LRP1B: variants seen among roughly 807,000 people sequenced by gnomAD.
LRP1B encodes the protein low-density lipoprotein receptor-related protein 1B.
In LRP1B, 217 loss-of-function variants were observed where a neutral mutation model predicts 556.6. The ratio of observed to expected loss-of-function variants is 0.39; its 90% confidence interval spans 0.35 to 0.44. The LOEUF (loss-of-function observed/expected upper bound fraction) is 0.44, where lower values mean the gene tolerates loss of function less well. Ranked by LOEUF, LRP1B falls within the 20% of genes least tolerant of loss-of-function variation. LRP1B has a pLI of 1.00. For synonymous variants in LRP1B, 2,047 were observed against 1,865.8 expected (o/e 1.10, Z -2.50); for missense variants, 5,053 against 5,620.8 (o/e 0.90, Z 3.23).
chr2:141,204,127 G>C (rs1220426073), intron 6 of LRP1B, among the ~76,000 whole-genome samples: 1 of 152,066 alleles, frequency 6.6e-6, no homozygotes, highest in Non-Finnish European at 1.5e-5. Flanking sequence ...ATTTTAATGA[G>C]GTTGGACAAA....
chr2:140,894,286 A>C (rs1433489106), intron 23 of LRP1B, among the ~76,000 whole-genome samples: 1 of 152,126 alleles, frequency 6.6e-6, no homozygotes, highest in Admixed American at 6.6e-5. Flanking sequence ...TTCCAGTTTC[A>C]GTATCCTCCT....
At chr2:141,671,227 G>T (rs1690653646) in intron 2 of LRP1B, among the ~76,000 whole-genome samples, 2 of 152,136 alleles carry the variant, frequency 1.3e-5, no homozygotes, top group African/African-American at 4.8e-5. Context: ...TGATTCCAGA[G>T]CAACTGAGAA....
intron 1 of LRP1B, among the ~76,000 whole-genome samples, chr2:141,909,524 ACATTTTTTTTTTTTTT>A (rs1179039262): frequency 1.9e-5 from 2 of 104,486 alleles, no homozygotes; most frequent in South Asian, 3.1e-4. Flanking sequence ...AAGGTCTCAG[ACATTTTTTTTTTTTTT>A]TTTTTTTTTT....
At chr2:141,276,748 C>G (rs896502275) in intron 3 of LRP1B, among the ~76,000 whole-genome samples, 3 of 151,104 alleles carry the variant, frequency 2.0e-5, no homozygotes, top group East Asian at 1.9e-4. Flanking sequence ...GCTCCGCCTC[C>G]CCGGTTCACG....
intron 2 of LRP1B, among the ~76,000 whole-genome samples, chr2:141,792,234 G>C (rs1695637508): frequency 6.6e-6 from 1 of 151,782 alleles, no homozygotes; most frequent in African/African-American, 2.4e-5. Flanking sequence ...AATAAGAAAG[G>C]ATAAACTAAG....
chr2:141,846,847 A>T (rs1259166289), intron 1 of LRP1B, among the ~76,000 whole-genome samples: 2 of 151,640 alleles, frequency 1.3e-5, no homozygotes, highest in East Asian at 3.9e-4. Flanking sequence ...TACTAGAAAA[A>T]TGTTTTTTAA....
intron 31 of LRP1B, among the ~76,000 whole-genome samples, chr2:140,828,659 G>A (rs1395494479): frequency 1.4e-5 from 1 of 72,508 alleles, no homozygotes; most frequent in African/African-American, 4.1e-5. Context: ...GCGTGGTAGC[G>A]GGCGCCTGTA....
intron 2 of LRP1B, among the ~76,000 whole-genome samples, chr2:141,513,674 A>G (rs1223671635): frequency 1.3e-5 from 2 of 152,142 alleles, no homozygotes; most frequent in Non-Finnish European, 2.9e-5. Context: ...ACTCTAGACC[A>G]TTATTTATTT....
intron 14 of LRP1B, among the ~76,000 whole-genome samples, chr2:141,012,436 T>TGG (rs752476933): frequency 2.6e-5 from 4 of 152,026 alleles, no homozygotes; most frequent in Non-Finnish European, 5.9e-5. Context: ...TATGGTAGTG[T>TGG]GGTAGGGGTG....
At chr2:142,045,409 G>A (rs1191331976) in intron 1 of LRP1B, among the ~76,000 whole-genome samples, 1 of 151,784 alleles carries the variant, frequency 6.6e-6, no homozygotes, top group Non-Finnish European at 1.5e-5. Flanking sequence ...ATATTACGAT[G>A]ACACATCTTA....
chr2:141,530,509 G>T (rs528675960), intron 2 of LRP1B, among the ~76,000 whole-genome samples: 10 of 151,750 alleles, frequency 6.6e-5, no homozygotes, highest in African/African-American at 2.4e-4. Context: ...TATTTCTCAT[G>T]GGGACTATTC....
At chr2:141,654,068 AC>A (rs1689904065) in intron 2 of LRP1B, among the ~76,000 whole-genome samples, 1 of 152,198 alleles carries the variant, frequency 6.6e-6, no homozygotes, top group East Asian at 1.9e-4. Flanking sequence ...AGGAATAGAA[AC>A]ACTACTAAGA....
At chr2:140,730,590 AGCTCAGT>A (rs1169456123) in intron 35 of LRP1B, among the ~76,000 whole-genome samples, 1 of 152,098 alleles carries the variant, frequency 6.6e-6, no homozygotes, top group Admixed American at 6.6e-5. Flanking sequence ...GATGGAGTCT[AGCTCAGT>A]CACCCAGGCT....
chr2:140,864,948 C>T (rs1437607619), intron 27 of LRP1B, among the ~76,000 whole-genome samples: 1 of 152,016 alleles, frequency 6.6e-6, no homozygotes, highest in Non-Finnish European at 1.5e-5. Flanking sequence ...ATGAAGGGTA[C>T]ATCACGCAAT....
At chr2:140,379,982 A>G (rs183595651) in intron 67 of LRP1B, among the ~76,000 whole-genome samples, 2,892 of 150,196 alleles carry the variant, frequency 0.019, 43 homozygotes, top group Non-Finnish European at 0.023. Flanking sequence ...CTTAAAAATA[A>G]CAATTAATAC....
In LRP1B at chr2:141,055,263, C is replaced by T. The variant is rs749227139; in HGVS notation, c.1409-4G>A. 79 of 1,599,800 alleles carry T rather than the reference C, an allele frequency of 4.9e-5. No homozygotes were observed. The highest frequency in any genetic ancestry group is 1.2e-4 in the Admixed American group (7 of 57,406). Reference sequence around the variant, plus strand: ...ACTTCACATGCATGGCTTCTGACTACAACAAATAAAAAACAGCATGCGTGA... The same window carrying T: ...ACTTCACATGCATGGCTTCTGACTATAACAAATAAAAAACAGCATGCGTGA... On this transcript the variant is annotated splice_polypyrimidine_tract_variant and splice_region_variant and intron_variant, in intron 9 of 90. Coordinates refer to ENST00000389484, the MANE Select transcript of LRP1B (RefSeq NM_018557.3).
intron 67 of LRP1B, among the ~76,000 whole-genome samples, chr2:140,382,216 T>A (rs987884077): frequency 2.0e-5 from 3 of 152,198 alleles, no homozygotes; most frequent in African/African-American, 7.2e-5. Flanking sequence ...AATAATCTTC[T>A]GATAGAAATT....
At chr2:140,470,576 C>T (rs560284040) in intron 60 of LRP1B, among the ~76,000 whole-genome samples, 18 of 122,028 alleles carry the variant, frequency 1.5e-4, no homozygotes, top group South Asian at 2.8e-4. Context: ...ACCTGGGAGG[C>T]GGAGTTTGCA....
intron 2 of LRP1B, among the ~76,000 whole-genome samples, chr2:141,769,634 A>G (rs540637758): frequency 6.6e-6 from 1 of 152,192 alleles, no homozygotes; most frequent in Non-Finnish European, 1.5e-5. Context: ...GATGTTAGAA[A>G]TGATGCTGGA....
Sources: allele counts gnomAD v4.1 joint callset (sites outside exome capture counted in the v4.1 genomes callset), GRCh38; gene constraint gnomAD v4.1.1; transcripts MANE v1.5; gene names NCBI Gene and HGNC (gene_info 2026-07-23, HGNC 2026-07-21).